The following PALD1 variants were observed in gnomAD, a reference collection of about 807,000 sequenced individuals.
PALD1 encodes paladin.
Under a neutral mutation model 96.0 loss-of-function variants are expected in PALD1, and 57 were observed. That is an observed-to-expected ratio of 0.59 (90% CI 0.48 to 0.74). PALD1 has a LOEUF of 0.74. Among genes scored for constraint, PALD1 ranks in the 30% least tolerant of loss-of-function variants. The pLI is 0.00. For missense variants in PALD1, 1,063 were observed against 1,143.7 expected (o/e 0.93, Z 1.02); for synonymous variants, 464 against 473.6 (o/e 0.98, Z 0.26).
chr10:70,566,508 C>G, intron 19 of PALD1, 73 bp from the exon 20 acceptor site: 2 of 1,178,258 alleles, frequency 1.7e-6, no homozygotes, highest in Non-Finnish European at 2.5e-6. Flanking sequence ...ACAGACTCAT[C>G]TTCAGAACTC....
intron 1 of PALD1, among the ~76,000 whole-genome samples, chr10:70,482,221 CCTT>C (rs1256563798): frequency 6.6e-6 from 1 of 152,204 alleles, no homozygotes; most frequent in Non-Finnish European, 1.5e-5. Context: ...ACTAGTCCCT[CCTT>C]AGCCCTGTGG....
the PALD1 span, among the ~76,000 whole-genome samples, chr10:70,468,695 G>T: frequency 1.5e-4 from 22 of 145,376 alleles, no homozygotes; most frequent in Non-Finnish European, 1.5e-4. Context: ...TAGCCCATGA[G>T]GCAGGACTGT....
At chr10:70,523,618 C>T (rs1012761151) in intron 1 of PALD1, among the ~76,000 whole-genome samples, 2 of 152,132 alleles carry the variant, frequency 1.3e-5, no homozygotes, top group African/African-American at 4.8e-5. Flanking sequence ...TCCCTCCACC[C>T]TTGCCAAAAA....
chr10:70,537,325 C>T (rs919798997), intron 10 of PALD1, among the ~76,000 whole-genome samples: 1 of 152,146 alleles, frequency 6.6e-6, no homozygotes, highest in Admixed American at 6.5e-5. Flanking sequence ...GCTTGTTTTG[C>T]ACTCCTGAGC....
upstream of PALD1, among the ~76,000 whole-genome samples, chr10:70,474,495 A>G (rs1046680892): frequency 1.3e-5 from 2 of 152,214 alleles, no homozygotes. Flanking sequence ...CAGGAGGCGG[A>G]GGCAGCAGTG....
intron 1 of PALD1, among the ~76,000 whole-genome samples, chr10:70,507,570 C>T (rs561937579): frequency 6.6e-6 from 1 of 152,314 alleles, no homozygotes; most frequent in Admixed American, 6.5e-5. Flanking sequence ...CGAAGGTGTG[C>T]ACCACCTTGC....
intron 18 of PALD1, among the ~76,000 whole-genome samples, chr10:70,561,225 G>A (rs892544792): frequency 6.6e-6 from 1 of 152,258 alleles, no homozygotes; most frequent in Admixed American, 6.5e-5. Context: ...AGAGGATCGT[G>A]CTGGTGCGGT....
At chr10:70,468,702 C>CTGTG in the PALD1 span, among the ~76,000 whole-genome samples, 8,522 of 123,766 alleles carry the variant, frequency 0.069, 345 homozygotes, top group African/African-American at 0.098. Context: ...TGAGGCAGGA[C>CTGTG]TGTGTGTGTG....
rs935307134 is a variant in PALD1 at position 70,540,382 on chromosome 10, T to C, written c.1908+620T>C. Among the ~76,000 whole-genome samples the C allele has an allele frequency of 2.0e-5, 3 of 151,384 alleles. No individual in the cohort carries two copies. Among genetic ancestry groups the C allele is most frequent in the Non-Finnish European group, 4.4e-5 (3 of 67,848 alleles). Reference sequence around the variant, plus strand: ...GAAAACCATCTTTAGGGGAGTGGTGTGGTGTGTGGTAGGGTTTGTGGAGGG... The same window carrying C: ...GAAAACCATCTTTAGGGGAGTGGTGCGGTGTGTGGTAGGGTTTGTGGAGGG... On this transcript the variant is annotated intron_variant, in intron 15 of 19. Coordinates refer to ENST00000263563, the MANE Select transcript of PALD1 (RefSeq NM_014431.3). This position sits in a 1 kb window ranked among gnomAD's most constrained non-coding sequence, Gnocchi z 4.2.
chr10:70,515,151 T>G (rs1846593978), intron 1 of PALD1, among the ~76,000 whole-genome samples: 1 of 151,672 alleles, frequency 6.6e-6, no homozygotes, highest in African/African-American at 2.4e-5. Context: ...CCTGCCCTCT[T>G]GGATCAGATT....
chr10:70,531,177 G>A (rs1846981230), intron 4 of PALD1, 113 bp from the exon 5 acceptor site: 5 of 819,740 alleles, frequency 6.1e-6, no homozygotes, highest in Admixed American at 2.1e-5. Flanking sequence ...CAGGGATGGT[G>A]TGGGGTGCAG....
the PALD1 span, among the ~76,000 whole-genome samples, chr10:70,472,553 G>A: frequency 7.3e-3 from 1,116 of 152,220 alleles, 15 homozygotes; most frequent in South Asian, 0.048. Context: ...GAGCCACTGC[G>A]CCTGGCCAGA....
chr10:70,549,094 GGT>G (rs1847428031), intron 18 of PALD1, among the ~76,000 whole-genome samples: 1 of 151,046 alleles, frequency 6.6e-6, no homozygotes, highest in Non-Finnish European at 1.5e-5. Flanking sequence ...GGGAGGGGAA[GGT>G]GGTTAAGGAG....
At chr10:70,498,433 C>T (rs1485857944) in intron 1 of PALD1, among the ~76,000 whole-genome samples, 2 of 152,094 alleles carry the variant, frequency 1.3e-5, no homozygotes, top group Non-Finnish European at 2.9e-5. Context: ...GAGTGTGCGC[C>T]ACACCTGGCT....
intron 17 of PALD1, among the ~76,000 whole-genome samples, chr10:70,545,008 GTTCA>G (rs894646101): frequency 7.9e-5 from 12 of 152,234 alleles, no homozygotes; most frequent in Non-Finnish European, 5.9e-5. Flanking sequence ...CGAGTTAGGT[GTTCA>G]TTCATTCACT....
At chr10:70,466,900 C>G in the PALD1 span, among the ~76,000 whole-genome samples, 4 of 152,144 alleles carry the variant, frequency 2.6e-5, no homozygotes. Context: ...TCCTTCCTTC[C>G]ACAGCCACCC....
intron 1 of PALD1, among the ~76,000 whole-genome samples, chr10:70,523,731 G>A (rs1846791256): frequency 6.6e-6 from 1 of 152,196 alleles, no homozygotes; most frequent in Non-Finnish European, 1.5e-5. Context: ...GAGGCTCCTG[G>A]GAGTTTTCAA....
At chr10:70,547,131 T>G (rs1847382570) in intron 17 of PALD1, among the ~76,000 whole-genome samples, 175 bp from the exon 18 acceptor site, 1 of 152,142 alleles carries the variant, frequency 6.6e-6, no homozygotes, top group Non-Finnish European at 1.5e-5. Context: ...GCCCCGGAGA[T>G]GTTCAGGATC....
intron 18 of PALD1, among the ~76,000 whole-genome samples, chr10:70,559,558 C>T (rs1456337659): frequency 1.3e-5 from 2 of 152,078 alleles, no homozygotes; most frequent in African/African-American, 2.4e-5. Flanking sequence ...GTCGCTGAGT[C>T]AAGGGTGTCT....
Sources: gnomAD v4.1 joint callset for allele counts (sites outside exome capture counted in the v4.1 genomes callset) on GRCh38, gnomAD v4.1.1 for gene constraint, Gnocchi (gnomAD v3.1) non-coding constraint, MANE v1.5 for transcripts, NCBI Gene and HGNC (gene_info 2026-07-23, HGNC 2026-07-21) for gene names.